Variants in COMMD1 observed in about 807,000 individuals in gnomAD.
COMMD1 encodes COMM domain-containing protein 1.
A neutral mutation model predicts 17.2 loss-of-function variants in COMMD1; 10 were observed. The observed-to-expected ratio is 0.58, with a 90% confidence interval of 0.36 to 0.99. COMMD1 has a LOEUF of 0.99. COMMD1 is among the 50% of genes least tolerant of loss of function. The pLI, the probability that COMMD1 is intolerant of heterozygous loss-of-function variation, is 0.01. For missense variants in COMMD1, 270 were observed against 231.8 expected, an observed-to-expected ratio of 1.17 and a Z score of -1.07; for synonymous variants, 97 against 91.6, an observed-to-expected ratio of 1.06 and a Z score of -0.34.
chr2:62,031,308 A>G (rs1669902860), intron 2 of COMMD1, among the ~76,000 whole-genome samples: 1 of 152,220 alleles, frequency 6.6e-6, no homozygotes, highest in Non-Finnish European at 1.5e-5. Context: ...TTTATTGAGT[A>G]CTTTTTCTTT....
intron 1 of COMMD1, among the ~76,000 whole-genome samples, chr2:61,960,770 G>A (rs1490150063): frequency 6.6e-6 from 1 of 152,040 alleles, no homozygotes; most frequent in African/African-American, 2.4e-5. Context: ...CCTTCCTCCC[G>A]TGCCTTTCCC....
chr2:62,123,533 ACAGGAAGG>A (rs1672808838), intron 2 of COMMD1, among the ~76,000 whole-genome samples: 2 of 150,110 alleles, frequency 1.3e-5, no homozygotes, highest in African/African-American at 5.0e-5. Flanking sequence ...AAAAAAAAAA[ACAGGAAGG>A]AAGGAAGGAA....
At chr2:62,098,389 G>C (rs187267552) in intron 2 of COMMD1, among the ~76,000 whole-genome samples, 38 of 152,104 alleles carry the variant, frequency 2.5e-4, no homozygotes, top group Non-Finnish European at 1.3e-4. Context: ...GGGATTACAG[G>C]TGTGAGCCAC....
rs556739941 is a variant in COMMD1, at chr2:62,004,037, A to G, written c.462+3055A>G. On this transcript the variant is annotated intron_variant, in intron 2 of 2. Transcript: ENST00000311832. ...CAGCTACTCAGGAGGCTGAGGCACA[A>G]AAATCACTTGAGCCCGGAAGGCGGA... Among the ~76,000 whole-genome samples the G allele has an allele frequency of 1.6e-4, 24 of 152,256 alleles. No individual in the cohort carries two copies. The South Asian group carries it at 4.1e-3, about 26-fold the overall frequency.
Position 61,994,649 on chromosome 2 carries a change from A to G in COMMD1, c.181-6052A>G, listed in dbSNP as rs561202621. Among the ~76,000 whole-genome samples the G allele has an allele frequency of 1.7e-3, 257 of 152,274 alleles. 1 individual carries two copies. The highest frequency in any genetic ancestry group is 0.012 in the South Asian group (57 of 4,822). ...TCTGTAGGAAGGATGCTGAGATAGC[A>G]TTATAGAATTGCAGGAAGGCCTGCA... On this transcript the variant is annotated intron_variant, in intron 1 of 2. Coordinates refer to ENST00000311832, the MANE Select transcript of COMMD1 (RefSeq NM_152516.4).
At chr2:61,890,504 G>A (rs1024446498) in intron 1 of COMMD1, among the ~76,000 whole-genome samples, 7 of 152,018 alleles carry the variant, frequency 4.6e-5, no homozygotes, top group Admixed American at 3.3e-4. Flanking sequence ...CAGGCTTGGC[G>A]AGAGCCACCT....
intron 1 of COMMD1, among the ~76,000 whole-genome samples, chr2:61,930,036 A>G (rs1030333746): frequency 3.9e-5 from 6 of 152,024 alleles, no homozygotes; most frequent in African/African-American, 9.7e-5. Context: ...TTCCTCCCCT[A>G]CAACCTTTTC....
chr2:62,105,513 G>A (rs1298864387), intron 2 of COMMD1, among the ~76,000 whole-genome samples: 1 of 152,124 alleles, frequency 6.6e-6, no homozygotes, highest in Non-Finnish European at 1.5e-5. Context: ...GGGAGGGGGA[G>A]GGATTGCCAC....
At chr2:61,900,704 G>A (rs1669638654), upstream of COMMD1, among the ~76,000 whole-genome samples, 1 of 152,170 alleles carries the variant, frequency 6.6e-6, no homozygotes, top group African/African-American at 2.4e-5. Context: ...CACTCAGTGG[G>A]AGGCTTAGGA....
intron 2 of COMMD1, among the ~76,000 whole-genome samples, chr2:62,042,628 G>T (rs772029908): frequency 2.0e-5 from 3 of 152,154 alleles, no homozygotes; most frequent in African/African-American, 7.2e-5. Flanking sequence ...CCGCGAGCAG[G>T]GGGAGCCGGC....
At chr2:62,055,146 T>C (rs1423588074) in intron 2 of COMMD1, among the ~76,000 whole-genome samples, 1 of 152,200 alleles carries the variant, frequency 6.6e-6, no homozygotes, top group Non-Finnish European at 1.5e-5. Flanking sequence ...GGCTTTATAG[T>C]GGCAAGTGAG....
At chr2:62,126,278 T>A (rs928186805) in intron 2 of COMMD1, among the ~76,000 whole-genome samples, 1 of 152,226 alleles carries the variant, frequency 6.6e-6, no homozygotes, top group African/African-American at 2.4e-5. Flanking sequence ...TTCCTTTGGG[T>A]ATATACCCAG....
At chr2:61,918,388 C>G (rs138158232) in intron 1 of COMMD1, among the ~76,000 whole-genome samples, 56 of 152,192 alleles carry the variant, frequency 3.7e-4, no homozygotes, top group African/African-American at 1.3e-3. Flanking sequence ...ACTGATGTTA[C>G]TTTTTTATAA....
intron 2 of COMMD1, among the ~76,000 whole-genome samples, chr2:62,071,641 A>T (rs1262262969): frequency 1.3e-5 from 2 of 152,170 alleles, no homozygotes; most frequent in Non-Finnish European, 2.9e-5. Context: ...AAAACTTTTT[A>T]AAAAAGAAAA....
intron 2 of COMMD1, among the ~76,000 whole-genome samples, chr2:62,112,801 A>AT (rs945811585): frequency 1.3e-5 from 2 of 152,086 alleles, no homozygotes; most frequent in African/African-American, 4.8e-5. Context: ...TAAATCAATG[A>AT]TTTTTTCTCT....
intron 1 of COMMD1, among the ~76,000 whole-genome samples, chr2:61,976,494 A>G (rs1390466892): frequency 6.6e-6 from 1 of 152,224 alleles, no homozygotes; most frequent in African/African-American, 2.4e-5. Context: ...ATTCTTAACA[A>G]TAAGCATCAA....
chr2:61,965,771 C>T (rs2103708428), intron 1 of COMMD1, among the ~76,000 whole-genome samples: 1 of 152,036 alleles, frequency 6.6e-6, no homozygotes, highest in East Asian at 1.9e-4. Context: ...ACCCTTCTCA[C>T]ATGGAGATTC....
chr2:61,958,742 T>C (rs1671263216), intron 1 of COMMD1, among the ~76,000 whole-genome samples: 1 of 152,170 alleles, frequency 6.6e-6, no homozygotes, highest in Non-Finnish European at 1.5e-5. Flanking sequence ...TATATTTTTA[T>C]GTTTCTATAG....
At chr2:62,000,627 C>A in intron 1 of COMMD1, 74 bp from the exon 2 acceptor site, 1 of 1,371,888 alleles carries the variant, frequency 7.3e-7, no homozygotes, top group Non-Finnish European at 1.0e-6. Context: ...AAAATATAAT[C>A]TGTAGTTAAG....
Sources: gnomAD v4.1 joint callset for allele counts (sites outside exome capture counted in the v4.1 genomes callset) on GRCh38, gnomAD v4.1.1 for gene constraint, MANE v1.5 for transcripts, NCBI Gene and HGNC (gene_info 2026-07-23, HGNC 2026-07-21) for gene names.